HDAC3: variants seen among roughly 807,000 people sequenced by gnomAD.
HDAC3 encodes histone deacetylase 3, also known as SMAP45.
A neutral mutation model predicts 62.3 loss-of-function variants in HDAC3; 21 were observed. The ratio of observed to expected loss-of-function variants is 0.34; its 90% confidence interval spans 0.24 to 0.49. HDAC3 has a LOEUF of 0.49. Among genes scored for constraint, HDAC3 ranks in the 20% least tolerant of loss-of-function variants. The pLI, the probability that HDAC3 is intolerant of heterozygous loss-of-function variation, is 0.99. For synonymous variants in HDAC3, 198 were observed against 206.5 expected (o/e 0.96, Z 0.35); for missense variants, 270 against 556.9 (o/e 0.48, Z 5.19).
chr5:141,636,717 C>T lies in HDAC3; in HGVS notation c.55+19G>A. 1 of 1,613,916 alleles carries T rather than the reference C, an allele frequency of 6.2e-7. No individual in the cohort carries two copies. The highest frequency in any genetic ancestry group is 1.1e-5 in the South Asian group (1 of 91,084). On this transcript the variant is annotated intron_variant, in intron 1 of 14. Coordinates refer to ENST00000305264, the MANE Select transcript of HDAC3 (RefSeq NM_003883.4). ...AACCTCCGTGTCCCAACCCCTCATG[C>T]ATATCCCTGTTTCCTCACCGTAGTG...
rs2099904333 is a variant in HDAC3 at position 141,625,647 on chromosome 5, CAGG to C, written c.1059+35_1059+37del. The C allele has an allele frequency of 6.3e-7, 1 of 1,592,982 alleles. No homozygotes were observed. The highest frequency in any genetic ancestry group is 8.6e-7 in the Non-Finnish European group (1 of 1,160,856). On this transcript the variant is annotated intron_variant, in intron 13 of 14. Coordinates refer to ENST00000305264, the MANE Select transcript of HDAC3 (RefSeq NM_003883.4). The surrounding 1 kb of genome is among the most constrained non-coding windows in gnomAD (Gnocchi z 4.0). ...TTGACCTCTCCTGGGCTCCACCTTT[CAGG>C]AGAAGTTTGTGCTCAGCTTTTCTGA...
At position 141,629,497 on chromosome 5, in the gene HDAC3, C is replaced by G; in HGVS notation, c.476+187G>C. 1.1e-6 allele frequency: 1 copy of G among 905,292 alleles called. No individual in the cohort carries two copies. The highest frequency in any genetic ancestry group is 2.3e-5 in the Admixed American group (1 of 44,088). 56.1% of individuals were successfully genotyped at this position (905,292 alleles called of 1,614,324 possible). A position where few individuals can be genotyped will look rare whatever the true frequency, so the allele number is the denominator to read the frequency against. ...GAGGCAGGGACAGGAGAGGGATATGCAGAGAAGGCTGAAATGTGAGCAGGC... is the reference window on the plus strand; with the variant it reads ...GAGGCAGGGACAGGAGAGGGATATGGAGAGAAGGCTGAAATGTGAGCAGGC... On this transcript the variant is annotated intron_variant, in intron 6 of 14. Transcript: ENST00000305264. The surrounding 1 kb of genome is among the most constrained non-coding windows in gnomAD (Gnocchi z 5.3).
chr5:141,621,275 C>T lies in HDAC3; in HGVS notation c.*193G>A, dbSNP rs1256126105. 3 of 606,886 alleles carry T rather than the reference C, an allele frequency of 4.9e-6. No individual in the cohort carries two copies. Among genetic ancestry groups the T allele is most frequent in the Non-Finnish European group, 8.8e-6 (3 of 340,578 alleles). 37.6% of individuals were successfully genotyped at this position (606,886 alleles called of 1,614,324 possible). A position where few individuals can be genotyped will look rare whatever the true frequency, so the allele number is the denominator to read the frequency against. ...GTCTGTATCTCATCCCTAATAGGTA[C>T]CATTGTCAGGCCTTGGGAGAGAGAG... On this transcript the variant is annotated 3_prime_UTR_variant, in exon 15 of 15. Coordinates refer to ENST00000305264, the MANE Select transcript of HDAC3 (RefSeq NM_003883.4).
chr5:141,623,458 T>C (rs2099903977), intron 14 of HDAC3, among the ~76,000 whole-genome samples: 1 of 152,090 alleles, frequency 6.6e-6, no homozygotes, highest in African/African-American at 2.4e-5. Flanking sequence ...ATTATTATAA[T>C]GCAGAGACTA....
chr5:141,621,601 T>C, intron 14 of HDAC3, 64 bp from the exon 15 acceptor site: 1 of 1,401,796 alleles, frequency 7.1e-7, no homozygotes. Context: ...CCAGCACCCT[T>C]TTCCAAAGCC....
rs144664713 is a variant in HDAC3, at chr5:141,630,374, G to A, written c.282-249C>T. On this transcript the variant is annotated intron_variant, in intron 3 of 14. Transcript: ENST00000305264. ...GTCAGGGAGTTTGTATCCTAGCTGC[G>A]GAAAGAAGCAAGCAGCTTCCAGGTA... 1.8e-3 allele frequency among the ~76,000 whole-genome samples: 279 copies of A among 152,284 alleles called. 1 individual carries two copies. Among genetic ancestry groups the A allele is most frequent in the African/African-American group, 6.2e-3 (258 of 41,562 alleles).
chr5:141,629,964 G>C lies in HDAC3; in HGVS notation c.364-48C>G. 6.2e-7 allele frequency: 1 copy of C among 1,612,926 alleles called. No homozygotes were observed. The highest frequency in any genetic ancestry group is 8.5e-7 in the Non-Finnish European group (1 of 1,178,870). On this transcript the variant is annotated intron_variant, in intron 4 of 14. Transcript: ENST00000305264. The surrounding 1 kb of genome is among the most constrained non-coding windows in gnomAD (Gnocchi z 5.3). The stretch of plus-strand genomic sequence containing the variant: ...ACAGTCCTTCCTGCCCACCCCTCAA[G>C]CTGGGAGCCCAGGATCAGGGTTAAA...
In HDAC3 at chr5:141,628,198, G is replaced by C; in HGVS notation, c.692-11C>G. 2 of 1,613,342 alleles carry C rather than the reference G, an allele frequency of 1.2e-6. No individual in the cohort carries two copies. Among genetic ancestry groups the C allele is most frequent in the Non-Finnish European group, 1.7e-6 (2 of 1,179,340 alleles). Reference sequence around the variant, plus strand: ...AAAGGTGCTTGTAACCTGGGAGAGGGCCAAAGATGGGCACCTGGCACCCCA... The same window carrying C: ...AAAGGTGCTTGTAACCTGGGAGAGGCCCAAAGATGGGCACCTGGCACCCCA... On this transcript the variant is annotated splice_polypyrimidine_tract_variant and intron_variant, in intron 8 of 14. Coordinates refer to ENST00000305264, the MANE Select transcript of HDAC3 (RefSeq NM_003883.4). This position sits in a 1 kb window ranked among gnomAD's most constrained non-coding sequence, Gnocchi z 4.7.
intron 10 of HDAC3, among the ~76,000 whole-genome samples, chr5:141,627,419 C>T (rs2099904597): frequency 6.6e-6 from 1 of 152,126 alleles, no homozygotes. Context: ...TTGGGTCAGG[C>T]TTCTCTCTGC....
In HDAC3 at chr5:141,625,334, T is replaced by C. The variant is rs145447418; in HGVS notation, c.1091A>G (p.Glu364Gly). 6.2e-7 allele frequency: 1 copy of C among 1,614,030 alleles called. No homozygotes were observed. Among genetic ancestry groups the C allele is most frequent in the Non-Finnish European group, 8.5e-7 (1 of 1,180,026 alleles). The change falls in exon 14 of 15, where the codon GAA (glutamate) becomes GGA (glycine). Residue 364 changes from glutamate to glycine, a missense_variant. Around this residue, in one of 5 missense-constraint regions of HDAC3, gnomAD observed 156 missense variants for 383.9 expected, o/e 0.41. Transcript: ENST00000305264. This position sits in a 1 kb window ranked among gnomAD's most constrained non-coding sequence, Gnocchi z 4.0. ...TGCATGGTTCAGCATCTTCAGGTTTTCAAAGATTGTCTGGCGGATCTGGTC... is the reference window on the plus strand; with the variant it reads ...TGCATGGTTCAGCATCTTCAGGTTTCCAAAGATTGTCTGGCGGATCTGGTC... ...YLDQIRQTIF[E>G]NLKMLNHAPS...
At chr5:141,630,190 C>T (rs980894818) in intron 3 of HDAC3, 65 bp from the exon 4 acceptor site, 9 of 1,433,766 alleles carry the variant, frequency 6.3e-6, no homozygotes, top group South Asian at 1.1e-5. Context: ...ATATCTCCCT[C>T]CCCATCCTAG....
intron 3 of HDAC3, among the ~76,000 whole-genome samples, chr5:141,632,611 G>C (rs151187443): frequency 1.0e-3 from 159 of 152,252 alleles, no homozygotes; most frequent in Middle Eastern, 0.01. Flanking sequence ...GCTAGAAAGT[G>C]AGCTCAGAAA....
At chr5:141,632,829 C>T (rs2099905416) in intron 3 of HDAC3, among the ~76,000 whole-genome samples, 1 of 152,106 alleles carries the variant, frequency 6.6e-6, no homozygotes, top group East Asian at 1.9e-4. Flanking sequence ...TCCTGTGCAG[C>T]TGAGGTGTAG....
chr5:141,635,492 C>G (rs1208502996), intron 2 of HDAC3, among the ~76,000 whole-genome samples: 1 of 152,272 alleles, frequency 6.6e-6, no homozygotes, highest in Non-Finnish European at 1.5e-5. Context: ...GATTCCTGCA[C>G]TAACATCACC....
rs2099904720 is a variant in HDAC3, at chr5:141,628,243, A to G, written c.692-56T>C. On this transcript the variant is annotated intron_variant, in intron 8 of 14. Transcript: ENST00000305264. This position sits in a 1 kb window ranked among gnomAD's most constrained non-coding sequence, Gnocchi z 4.7. Reference sequence around the variant, plus strand: ...ACCCCAAGGGGATGGGGAGACAGGGAACAAAAGGAAAAAGGGGGTTGAGCG... The same window carrying G: ...ACCCCAAGGGGATGGGGAGACAGGGGACAAAAGGAAAAAGGGGGTTGAGCG... 1 of 1,463,294 alleles carries G rather than the reference A, an allele frequency of 6.8e-7. No individual in the cohort carries two copies. The highest frequency in any genetic ancestry group is 9.6e-7 in the Non-Finnish European group (1 of 1,043,426). The allele number at this position is 1,463,294 out of a possible 1,614,324, so 90.6% of individuals were successfully genotyped here. A position where few individuals can be genotyped will look rare whatever the true frequency, so the allele number is the denominator to read the frequency against.
intron 14 of HDAC3, among the ~76,000 whole-genome samples, chr5:141,622,504 T>G (rs1463334488): frequency 6.6e-6 from 1 of 151,488 alleles, no homozygotes; most frequent in Non-Finnish European, 1.5e-5. Flanking sequence ...CTGAGGAGGC[T>G]GAGGCAGGAG....
At chr5:141,630,633 T>C (rs1462812386) in intron 3 of HDAC3, among the ~76,000 whole-genome samples, 2 of 152,246 alleles carry the variant, frequency 1.3e-5, no homozygotes. Flanking sequence ...GCTATAATTA[T>C]TACCATTGTT....
chr5:141,636,421 T>A (rs1273190822), intron 2 of HDAC3, 127 bp downstream of exon 2: 1 of 786,802 alleles, frequency 1.3e-6, no homozygotes, highest in African/African-American at 1.7e-5. Context: ...GTACTCCTGG[T>A]GACTTCTATC....
At position 141,629,623 on chromosome 5, in the gene HDAC3, C is replaced by T. The variant is rs1030273699; in HGVS notation, c.476+61G>A. ...AGGGAGGTCAAGGTCAGGGTTGAGA[C>T]TGAGAGACCTCCTCAGCCAAGAATC... On this transcript the variant is annotated intron_variant, in intron 6 of 14. Transcript: ENST00000305264. The surrounding 1 kb of genome is among the most constrained non-coding windows in gnomAD (Gnocchi z 5.3). The T allele has an allele frequency of 4.4e-5, 68 of 1,540,810 alleles. No homozygotes were observed. Among genetic ancestry groups the T allele is most frequent in the Non-Finnish European group, 5.1e-5 (57 of 1,118,994 alleles).
Sources: gnomAD v4.1 joint callset for allele counts (sites outside exome capture counted in the v4.1 genomes callset) on GRCh38, gnomAD v4.1.1 for gene constraint, gnomAD v4.1.1 regional missense constraint, Gnocchi (gnomAD v3.1) non-coding constraint, MANE v1.5 for transcripts, NCBI Gene and HGNC (gene_info 2026-07-23, HGNC 2026-07-21) for gene names.